The following ITPRID1 variants were observed in gnomAD, a reference collection of about 807,000 sequenced individuals.
ITPRID1 encodes the protein protein ITPRID1.
In ITPRID1, 96 loss-of-function variants were observed where a neutral mutation model predicts 95.4. The observed-to-expected ratio is 1.01, with a 90% confidence interval of 0.85 to 1.19. ITPRID1 has a LOEUF of 1.19. Among genes scored for constraint, ITPRID1 ranks in the 50% most tolerant of loss-of-function variants. The pLI is 0.00. For synonymous variants in ITPRID1, 510 were observed against 453.6 expected, an observed-to-expected ratio of 1.12 and a Z score of -1.58; for missense variants, 1,339 against 1,252.9, an observed-to-expected ratio of 1.07 and a Z score of -1.04.
chr7:31,614,657 C>T (rs1428192952), intron 10 of ITPRID1, among the ~76,000 whole-genome samples: 1 of 152,042 alleles, frequency 6.6e-6, no homozygotes, highest in African/African-American at 2.4e-5. Flanking sequence ...GATAATTTCA[C>T]GTTTTTAAAG....
At chr7:31,640,240 G>A (rs1461240356) in intron 10 of ITPRID1, among the ~76,000 whole-genome samples, 1 of 152,130 alleles carries the variant, frequency 6.6e-6, no homozygotes, top group Non-Finnish European at 1.5e-5. Flanking sequence ...CTGGCTGGTG[G>A]GCACATTCCC....
intron 10 of ITPRID1, among the ~76,000 whole-genome samples, chr7:31,586,397 T>A (rs1785609157): frequency 6.6e-6 from 1 of 151,756 alleles, no homozygotes; most frequent in East Asian, 1.9e-4. Flanking sequence ...TAGTTCTAGA[T>A]CCCTGAGGAG....
chr7:31,652,566 C>T lies in ITPRID1; in HGVS notation c.2872C>T (p.His958Tyr), dbSNP rs1791057971. Residue 958 changes from histidine to tyrosine, a missense_variant, in exon 15 of 15, where the codon CAT becomes TAT. By Grantham distance (83) the His-to-Tyr change is moderately conservative. Coordinates refer to ENST00000615280, the MANE Select transcript of ITPRID1 (RefSeq NM_001257967.3). ...AEPPEHYSNL[H>Y]QYNWIEESNG... is the part of the protein sequence containing the mutation. ...GCCACCTGAACACTATTCAAATCTGCATCAATATAACTGGATAGAAGAAAG... is the reference window on the plus strand; with the variant it reads ...GCCACCTGAACACTATTCAAATCTGTATCAATATAACTGGATAGAAGAAAG... 1 of 1,610,594 alleles carries T rather than the reference C, an allele frequency of 6.2e-7. No homozygotes were observed. The highest frequency in any genetic ancestry group is 8.5e-7 in the Non-Finnish European group (1 of 1,178,298).
intron 7 of ITPRID1, among the ~76,000 whole-genome samples, 181 bp from the exon 8 acceptor site, chr7:31,574,359 T>C (rs1785099811): frequency 6.6e-6 from 1 of 152,156 alleles, no homozygotes; most frequent in African/African-American, 2.4e-5. Context: ...AAGCAGTCCC[T>C]GAGTGGGGGT....
Position 31,643,003 on chromosome 7 carries a change from C to T in ITPRID1, c.1633C>T (p.Pro545Ser), listed in dbSNP as rs1790162762. ...AGACAGCCATCTGTGGCAGCTTCTG[C>T]CAATGCCCCATGCTGAGTATGAGGT... The part of the protein sequence containing the change: ...RKDSHLWQLL[P>S]MPHAEYEVTR... Residue 545 changes from proline (P) to serine (S), a missense_variant, in exon 12 of 15, where the codon CCA becomes TCA. Pro to Ser is a moderately conservative substitution (Grantham distance 74). Transcript: ENST00000615280. The T allele has an allele frequency of 6.2e-7, 1 of 1,614,036 alleles. No homozygotes were observed. Among genetic ancestry groups the T allele is most frequent in the African/African-American group, 1.3e-5 (1 of 75,062 alleles).
chr7:31,556,846 A>AAGAAT (rs1490884023), intron 5 of ITPRID1, among the ~76,000 whole-genome samples: 49 of 152,174 alleles, frequency 3.2e-4, no homozygotes, highest in Admixed American at 2.2e-3. Context: ...CTGTTGTTTT[A>AAGAAT]ACAACAGAAA....
rs1335127467 is a variant in ITPRID1, at chr7:31,514,121, G to A, written c.-98+1G>A. 1.3e-5 allele frequency: 2 copies of A among 152,276 alleles called. No individual in the cohort carries two copies. The highest frequency in any genetic ancestry group is 4.8e-5 in the African/African-American group (2 of 41,448). 9.4% of individuals were successfully genotyped at this position (152,276 alleles called of 1,614,324 possible). On this transcript the variant is annotated splice_donor_variant, in intron 1 of 14. Transcript: ENST00000615280. LOFTEE classifies it low-confidence loss of function (5UTR_SPLICE). Reference sequence around the variant, plus strand: ...CTCAGGAGTGGAGCTTTTGTGGCAGGTGGGTAGAGGCTGCTGGAGGGGGCT... The same window carrying A: ...CTCAGGAGTGGAGCTTTTGTGGCAGATGGGTAGAGGCTGCTGGAGGGGGCT...
At chr7:31,579,358 G>A (rs1385095737) in intron 9 of ITPRID1, among the ~76,000 whole-genome samples, 1 of 152,054 alleles carries the variant, frequency 6.6e-6, no homozygotes, top group Non-Finnish European at 1.5e-5. Context: ...CTAAAAGTAG[G>A]GCAGGATATT....
chr7:31,633,374 T>TA (rs1337387768), intron 10 of ITPRID1, among the ~76,000 whole-genome samples: 2 of 152,176 alleles, frequency 1.3e-5, no homozygotes, highest in Non-Finnish European at 2.9e-5. Flanking sequence ...TCTGACCAGA[T>TA]AGGAGTCATT....
intron 5 of ITPRID1, among the ~76,000 whole-genome samples, chr7:31,564,697 G>A (rs1784737409): frequency 6.6e-6 from 1 of 152,162 alleles, no homozygotes; most frequent in African/African-American, 2.4e-5. Flanking sequence ...CTAGGCGTGA[G>A]CTTCCTGCTC....
chr7:31,613,243 A>AAGTGCCACGAAGTTCACTGTTCT (rs1227611166), intron 10 of ITPRID1, among the ~76,000 whole-genome samples: 1 of 152,160 alleles, frequency 6.6e-6, no homozygotes, highest in Non-Finnish European at 1.5e-5. Flanking sequence ...GGGTAAGTTA[A>AAGTGCCACGAAGTTCACTGTTCT]AGTGCCACGA....
rs770370850 is a variant in ITPRID1 at position 31,578,049 on chromosome 7, A to G, written c.785A>G (p.Lys262Arg). ...GGTAAACTCTTAAGGAGAGCTTCCA[A>G]ACAGAACATCAGGCGGGATTGTAAC... Reference protein sequence around the residue: ...RMGKLLRRASKQNIRRDCNPE... With the variant: ...RMGKLLRRASRQNIRRDCNPE... Residue 262 changes from lysine (K) to arginine (R), a missense_variant, in exon 9 of 15, where the codon AAA becomes AGA. Transcript: ENST00000615280. 1.1e-5 allele frequency: 18 copies of G among 1,613,902 alleles called. No individual in the cohort carries two copies. The highest frequency in any genetic ancestry group is 3.3e-5 in the Admixed American group (2 of 59,996).
intron 1 of ITPRID1, among the ~76,000 whole-genome samples, chr7:31,526,922 G>C (rs747666157): frequency 6.6e-6 from 1 of 152,092 alleles, no homozygotes; most frequent in Non-Finnish European, 1.5e-5. Context: ...GTCTGATCAT[G>C]TCACTTCCCA....
intron 10 of ITPRID1, among the ~76,000 whole-genome samples, chr7:31,602,701 G>T (rs991099496): frequency 1.3e-5 from 2 of 152,168 alleles, no homozygotes; most frequent in African/African-American, 4.8e-5. Flanking sequence ...TCGTCTTGCT[G>T]TCCCCTGCTC....
intron 1 of ITPRID1, among the ~76,000 whole-genome samples, chr7:31,538,372 T>C (rs1783829401): frequency 1.3e-5 from 2 of 152,210 alleles, no homozygotes; most frequent in Non-Finnish European, 2.9e-5. Flanking sequence ...ACAGGCCAGT[T>C]TTTTACATAA....
At chr7:31,634,313 G>A (rs921402683) in intron 10 of ITPRID1, among the ~76,000 whole-genome samples, 16 of 152,116 alleles carry the variant, frequency 1.1e-4, no homozygotes, top group African/African-American at 2.7e-4. Flanking sequence ...TTAATGATAC[G>A]AAGATTGAGT....
chr7:31,554,366 G>A, intron 3 of ITPRID1, 109 bp from the exon 4 acceptor site: 2 of 1,454,918 alleles, frequency 1.4e-6, no homozygotes, highest in Non-Finnish European at 1.8e-6. Context: ...AAGGAAACAT[G>A]TGACTAAATA....
intron 10 of ITPRID1, among the ~76,000 whole-genome samples, chr7:31,606,804 T>C (rs1786645671): frequency 6.6e-6 from 1 of 152,144 alleles, no homozygotes; most frequent in South Asian, 2.1e-4. Flanking sequence ...TTCTTTCTGG[T>C]TATTTTCTTT....
chr7:31,519,620 C>CTCTCTATATATA, intron 1 of ITPRID1, among the ~76,000 whole-genome samples: 16 of 25,262 alleles, frequency 6.3e-4, no homozygotes, highest in South Asian at 4.1e-3. Flanking sequence ...CTCTCTCTCT[C>CTCTCTATATATA]TATATATATA....
Sources: allele counts gnomAD v4.1 joint callset (sites outside exome capture counted in the v4.1 genomes callset), GRCh38; gene constraint gnomAD v4.1.1; transcripts MANE v1.5; gene names NCBI Gene and HGNC (gene_info 2026-07-23, HGNC 2026-07-21).